The following LUZP2 variants were observed in gnomAD, a reference collection of about 807,000 sequenced individuals.
The protein encoded by LUZP2 is leucine zipper protein 2.
Under a neutral mutation model 51.6 loss-of-function variants are expected in LUZP2, and 52 were observed. The observed-to-expected ratio is 1.01, with a 90% CI of 0.81 to 1.27. The LOEUF is 1.27. Ranked by LOEUF, LUZP2 falls within the 50% of genes most tolerant of loss-of-function variation. The pLI, the probability that LUZP2 is intolerant of heterozygous loss-of-function variation, is 0.00. For missense variants in LUZP2, 436 were observed against 395.4 expected (o/e 1.10, Z -0.87); for synonymous variants, 154 against 137.3 (o/e 1.12, Z -0.85).
chr11:24,720,933 C>T (rs190866226), intron 1 of LUZP2, among the ~76,000 whole-genome samples: 8 of 152,196 alleles, frequency 5.3e-5, no homozygotes, highest in African/African-American at 1.4e-4. Context: ...GTGATCTGTC[C>T]GCCTCGGCCT....
chr11:24,948,824 C>CATCT (rs67058181), intron 7 of LUZP2, among the ~76,000 whole-genome samples: 2,387 of 122,612 alleles, frequency 0.019, 62 homozygotes, highest in African/African-American at 0.054. Flanking sequence ...ATCTATCTAT[C>CATCT]ATCTATCTAT....
At chr11:24,796,383 C>A (rs1337272264) in intron 5 of LUZP2, among the ~76,000 whole-genome samples, 3 of 151,944 alleles carry the variant, frequency 2.0e-5, no homozygotes, top group African/African-American at 7.3e-5. Flanking sequence ...AGAGGTGTAA[C>A]GTTATTATTA....
At chr11:25,058,683 G>A in intron 10 of LUZP2, among the ~76,000 whole-genome samples, 1 of 152,168 alleles carries the variant, frequency 6.6e-6, no homozygotes, top group East Asian at 1.9e-4. Flanking sequence ...TTCAGAGAGG[G>A]AAGGTGACTT....
chr11:24,865,563 G>C lies in LUZP2; in HGVS notation c.397-40428G>C, dbSNP rs535016842. ...CAGGAGTGGCATGGGTTAACATTATGGGATTACCAAAGTCAGCTCCTGCTG... is the reference window on the plus strand; with the variant it reads ...CAGGAGTGGCATGGGTTAACATTATCGGATTACCAAAGTCAGCTCCTGCTG... On this transcript the variant is annotated intron_variant, in intron 5 of 11. Coordinates refer to ENST00000336930, the MANE Select transcript of LUZP2 (RefSeq NM_001009909.4). Among the ~76,000 whole-genome samples, 17 of 152,204 alleles carry C rather than the reference G, an allele frequency of 1.1e-4. 1 individual carries two copies. The South Asian group carries it at 3.5e-3, about 32-fold the overall frequency.
At chr11:24,795,472 G>T (rs956112337) in intron 5 of LUZP2, among the ~76,000 whole-genome samples, 1 of 152,146 alleles carries the variant, frequency 6.6e-6, no homozygotes, top group East Asian at 1.9e-4. Flanking sequence ...GCATTTTACA[G>T]AGTATTTTCA....
chr11:25,005,480 C>G (rs1856807862), intron 9 of LUZP2, among the ~76,000 whole-genome samples: 1 of 151,978 alleles, frequency 6.6e-6, no homozygotes. Flanking sequence ...GGGGCCAGGC[C>G]ATGGTGCAGA....
At chr11:24,620,332 CT>C (rs941116900) in intron 1 of LUZP2, among the ~76,000 whole-genome samples, 4 of 151,086 alleles carry the variant, frequency 2.6e-5, no homozygotes, top group Non-Finnish European at 4.4e-5. Flanking sequence ...TTCAAATAAA[CT>C]TTTTTTTTGC....
chr11:24,798,649 G>C (rs1486695), intron 5 of LUZP2, among the ~76,000 whole-genome samples: 149,909 of 152,268 alleles, frequency 0.98, 73,827 homozygotes, highest in Non-Finnish European at 1. Flanking sequence ...AGAATTATCT[G>C]TGCAGAATGG....
intron 1 of LUZP2, among the ~76,000 whole-genome samples, chr11:24,678,748 G>A (rs1022745845): frequency 1.1e-4 from 16 of 152,172 alleles, no homozygotes; most frequent in Admixed American, 6.5e-4. Context: ...TGTCTCAAAG[G>A]CATGACTTTC....
intron 5 of LUZP2, among the ~76,000 whole-genome samples, chr11:24,895,342 A>T (rs1853005209): frequency 6.6e-6 from 1 of 152,206 alleles, no homozygotes; most frequent in South Asian, 2.1e-4. Context: ...CAAGAAAAAC[A>T]AACAGAACTT....
chr11:24,675,789 ATATTTATTTATTTATTTATTTATT>A (rs61265735), intron 1 of LUZP2, among the ~76,000 whole-genome samples: 22 of 136,800 alleles, frequency 1.6e-4, no homozygotes, highest in Admixed American at 5.9e-4. Flanking sequence ...TCTTTTTTTT[ATATTTATTTATTTATTTATTTATT>A]TATTTATTTA....
At chr11:24,886,081 C>A (rs761507939) in intron 5 of LUZP2, among the ~76,000 whole-genome samples, 38 of 152,078 alleles carry the variant, frequency 2.5e-4, no homozygotes, top group Non-Finnish European at 5.1e-4. Context: ...AATTATTATT[C>A]ATGTGTGTTC....
At chr11:25,001,832 T>C (rs1856689250) in intron 9 of LUZP2, among the ~76,000 whole-genome samples, 1 of 152,164 alleles carries the variant, frequency 6.6e-6, no homozygotes, top group South Asian at 2.1e-4. Context: ...TTCCTATCTT[T>C]CTCTGTTTCT....
chr11:24,913,430 C>A (rs532238597), intron 6 of LUZP2, among the ~76,000 whole-genome samples: 20 of 152,172 alleles, frequency 1.3e-4, no homozygotes, highest in Non-Finnish European at 2.8e-4. Context: ...TCTTATTAAA[C>A]ATATATGCTT....
chr11:24,987,493 A>G (rs1330046367), intron 9 of LUZP2, among the ~76,000 whole-genome samples: 4 of 151,898 alleles, frequency 2.6e-5, no homozygotes, highest in Non-Finnish European at 5.9e-5. Flanking sequence ...CCCATATGTC[A>G]CGCCATCCCA....
At chr11:24,601,271 A>C (rs974925529) in intron 1 of LUZP2, among the ~76,000 whole-genome samples, 11 of 152,118 alleles carry the variant, frequency 7.2e-5, no homozygotes, top group South Asian at 6.2e-4. Flanking sequence ...ACTCTTATTA[A>C]TTTATTATTG....
intron 5 of LUZP2, among the ~76,000 whole-genome samples, chr11:24,813,701 G>A (rs1317473317): frequency 6.6e-6 from 1 of 152,212 alleles, no homozygotes; most frequent in Non-Finnish European, 1.5e-5. Context: ...GGAGATTTGG[G>A]TGAGGACAAA....
At chr11:24,716,707 C>A (rs1049071188) in intron 1 of LUZP2, among the ~76,000 whole-genome samples, 2 of 152,046 alleles carry the variant, frequency 1.3e-5, no homozygotes, top group African/African-American at 4.8e-5. Context: ...GACCAACTGG[C>A]CAACATGGTG....
intron 9 of LUZP2, among the ~76,000 whole-genome samples, chr11:25,028,950 A>C (rs1271428898): frequency 6.6e-6 from 1 of 152,220 alleles, no homozygotes; most frequent in Admixed American, 6.5e-5. Flanking sequence ...AAAGAACTTA[A>C]AAGATCATTA....
Sources: gnomAD v4.1 joint callset for allele counts (sites outside exome capture counted in the v4.1 genomes callset) on GRCh38, gnomAD v4.1.1 for gene constraint, MANE v1.5 for transcripts, NCBI Gene and HGNC (gene_info 2026-07-23, HGNC 2026-07-21) for gene names.